The following PCDHA10 variants were observed in gnomAD, a reference collection of about 807,000 sequenced individuals.
PCDHA10 encodes the protein protocadherin alpha 10, also known as protocadherin alpha-10.
A neutral mutation model predicts 61.2 loss-of-function variants in PCDHA10; 45 were observed. The observed-to-expected ratio is 0.74, with a 90% confidence interval of 0.58 to 0.94. The LOEUF (loss-of-function observed/expected upper bound fraction) is 0.94, where lower values mean the gene tolerates loss of function less well. PCDHA10 is among the 40% of genes least tolerant of loss of function. The probability of loss-of-function intolerance (pLI) is 0.00; values close to 1 mark genes in which losing one functional copy is unlikely to be tolerated. For synonymous variants in PCDHA10, 602 were observed against 548.8 expected, an observed-to-expected ratio of 1.10 and a Z score of -1.35; for missense variants, 1,278 against 1,236.2, an observed-to-expected ratio of 1.03 and a Z score of -0.51.
chr5:140,976,689 T>TTTGCA (rs1280133734), intron 1 of PCDHA10, among the ~76,000 whole-genome samples: 2 of 152,232 alleles, frequency 1.3e-5, no homozygotes, highest in East Asian at 3.8e-4. Context: ...GCAATTTAAG[T>TTTGCA]ACAATAATGT....
intron 1 of PCDHA10, chr5:140,870,784 G>T (rs374163229): frequency 3.1e-6 from 5 of 1,613,574 alleles, no homozygotes; most frequent in Non-Finnish European, 4.2e-6. Context: ...GAACGACAAC[G>T]CGCCGGCACT....
intron 1 of PCDHA10, chr5:140,881,395 T>C: frequency 1.0e-6 from 1 of 978,940 alleles, no homozygotes; most frequent in Non-Finnish European, 1.2e-6. Context: ...TAAGTTAAAT[T>C]CTATTAAATC....
chr5:140,938,679 T>C (rs574212689), intron 1 of PCDHA10, among the ~76,000 whole-genome samples: 1 of 152,302 alleles, frequency 6.6e-6, no homozygotes, highest in South Asian at 2.1e-4. Flanking sequence ...CCTAACATTT[T>C]CTTTACAGTT....
rs782516685 is a variant in PCDHA10, at chr5:140,883,846, G to T, written c.2388+25410G>T. ...ACGCGCTGCAGCCGTTGGACCACGAGGAGCTGGAGCTGTTGCAGTTCCAGG... is the reference window on the plus strand; with the variant it reads ...ACGCGCTGCAGCCGTTGGACCACGATGAGCTGGAGCTGTTGCAGTTCCAGG... On this transcript the variant is annotated intron_variant, in intron 1 of 3. Coordinates refer to ENST00000307360, the MANE Select transcript of PCDHA10 (RefSeq NM_018901.4). 7 of 1,612,790 alleles carry T rather than the reference G, an allele frequency of 4.3e-6. No individual in the cohort carries two copies. In the East Asian group the frequency reaches 1.3e-4, roughly 31 times the overall value.
At chr5:140,932,124 A>G (rs2088056676) in intron 1 of PCDHA10, among the ~76,000 whole-genome samples, 1 of 151,956 alleles carries the variant, frequency 6.6e-6, no homozygotes, top group Admixed American at 6.5e-5. Flanking sequence ...GATAATATTT[A>G]AGATATAAAC....
rs1004548473 is a variant in PCDHA10 at position 141,011,507 on chromosome 5, G to T, written c.*1570G>T. Reference sequence around the variant, plus strand: ...CCTTTTGTACACCTGTGAAAAAGTGGAGTAGTGTTTTTTTAACCATTGTTA... The same window carrying T: ...CCTTTTGTACACCTGTGAAAAAGTGTAGTAGTGTTTTTTTAACCATTGTTA... On this transcript the variant is annotated 3_prime_UTR_variant, in exon 4 of 4. Transcript: ENST00000307360. 5.2e-5 allele frequency: 8 copies of T among 153,740 alleles called. No individual in the cohort carries two copies. The highest frequency in any genetic ancestry group is 1.9e-4 in the African/African-American group (8 of 41,440). The allele number at this position is 153,740 out of a possible 1,614,324, so 9.5% of individuals were successfully genotyped here. A position where few individuals can be genotyped will look rare whatever the true frequency, so the allele number is the denominator to read the frequency against.
intron 1 of PCDHA10, among the ~76,000 whole-genome samples, chr5:140,918,108 A>G (rs1283760333): frequency 2.6e-5 from 4 of 152,166 alleles, no homozygotes; most frequent in Non-Finnish European, 5.9e-5. Context: ...GATCTTTCAC[A>G]TCCTTGATTA....
chr5:140,901,229 T>C (rs1394148058), intron 1 of PCDHA10, among the ~76,000 whole-genome samples: 1 of 152,166 alleles, frequency 6.6e-6, no homozygotes, highest in African/African-American at 2.4e-5. Context: ...ATCCCATATA[T>C]CCATTTTTTT....
At chr5:140,997,837 T>G (rs1414415987) in intron 3 of PCDHA10, among the ~76,000 whole-genome samples, 2 of 152,222 alleles carry the variant, frequency 1.3e-5, no homozygotes, top group African/African-American at 4.8e-5. Context: ...AACAATACAA[T>G]ATACATTCTT....
chr5:140,963,221 T>C (rs2095749324), intron 1 of PCDHA10, among the ~76,000 whole-genome samples: 1 of 151,808 alleles, frequency 6.6e-6, no homozygotes, highest in Admixed American at 6.6e-5. Context: ...GTGTTTAGAG[T>C]AGACACTGTT....
intron 1 of PCDHA10, among the ~76,000 whole-genome samples, chr5:140,945,280 A>G (rs1482777954): frequency 6.6e-6 from 1 of 152,146 alleles, no homozygotes; most frequent in Non-Finnish European, 1.5e-5. Flanking sequence ...ACTTTAAAAC[A>G]TTGATGAAAG....
intron 3 of PCDHA10, among the ~76,000 whole-genome samples, chr5:140,987,354 G>A (rs1180342992): frequency 2.6e-5 from 4 of 152,166 alleles, no homozygotes; most frequent in Admixed American, 2.6e-4. Context: ...TATTCCTGAG[G>A]TTGTCTTATA....
intron 1 of PCDHA10, among the ~76,000 whole-genome samples, chr5:140,915,441 A>G (rs2077120331): frequency 6.6e-6 from 1 of 152,052 alleles, no homozygotes; most frequent in African/African-American, 2.4e-5. Context: ...GTCCTTCTTG[A>G]GAAGGTTTTC....
chr5:140,999,801 G>T (rs1271249129), intron 3 of PCDHA10, among the ~76,000 whole-genome samples: 1 of 152,112 alleles, frequency 6.6e-6, no homozygotes, highest in Admixed American at 6.5e-5. Flanking sequence ...GTTATTTTGG[G>T]CACAAAGCAA....
chr5:140,858,292 C>T lies in PCDHA10; in HGVS notation c.2244C>T (p.Tyr748=), dbSNP rs1554151391. The change falls in exon 1 of 4, where the codon TAC becomes TAT. Residue 748 remains tyrosine, a synonymous_variant. Coordinates refer to ENST00000307360, the MANE Select transcript of PCDHA10 (RefSeq NM_018901.4). ...VCSSAVGSWS[Y]SQQRRQRVCS... Reference sequence around the variant, plus strand: ...CTAGCGCGGTGGGGAGCTGGTCTTACTCGCAGCAGAGGCGGCAGAGGGTGT... The same window carrying T: ...CTAGCGCGGTGGGGAGCTGGTCTTATTCGCAGCAGAGGCGGCAGAGGGTGT... The T allele has an allele frequency of 6.3e-7, 1 of 1,597,508 alleles. No homozygotes were observed. Among genetic ancestry groups the T allele is most frequent in the East Asian group, 2.2e-5 (1 of 44,816 alleles).
chr5:140,947,625 T>C (rs2094153389), intron 1 of PCDHA10, among the ~76,000 whole-genome samples: 1 of 151,648 alleles, frequency 6.6e-6, no homozygotes, highest in Non-Finnish European at 1.5e-5. Context: ...CAATATTGAG[T>C]CATCAGATCG....
chr5:140,987,892 A>C (rs1383983251), intron 3 of PCDHA10, among the ~76,000 whole-genome samples: 1 of 152,094 alleles, frequency 6.6e-6, no homozygotes, highest in Non-Finnish European at 1.5e-5. Flanking sequence ...TATGTGCCCT[A>C]GTTTTATATG....
chr5:140,882,036 G>C, intron 1 of PCDHA10: 1 of 646,228 alleles, frequency 1.5e-6, no homozygotes. Context: ...AAAATATGAA[G>C]ACTGAGTCAT....
chr5:140,975,527 A>G (rs782267941), intron 1 of PCDHA10, among the ~76,000 whole-genome samples: 2 of 152,220 alleles, frequency 1.3e-5, no homozygotes, highest in Non-Finnish European at 2.9e-5. Context: ...CAGTGGATAT[A>G]TTCTTAATAC....
Sources: gnomAD v4.1 joint callset for allele counts (sites outside exome capture counted in the v4.1 genomes callset) on GRCh38, gnomAD v4.1.1 for gene constraint, MANE v1.5 for transcripts, NCBI Gene and HGNC (gene_info 2026-07-23, HGNC 2026-07-21) for gene names.